The following CDK19 variants were observed in gnomAD, a reference collection of about 807,000 sequenced individuals.
CDK19 encodes the protein cyclin-dependent kinase 19.
CDK19 carries 20 observed loss-of-function variants against 68.3 expected under a neutral mutation model. The ratio of observed to expected loss-of-function variants is 0.29; its 90% CI spans 0.21 to 0.43. CDK19 has a LOEUF of 0.43. Ranked by LOEUF, CDK19 falls within the 20% of genes least tolerant of loss-of-function variation. The pLI is 1.00. For synonymous variants in CDK19, 221 were observed against 222.8 expected (o/e 0.99, Z 0.07); for missense variants, 339 against 623.5 (o/e 0.54, Z 4.86).
chr6:110,719,125 A>C (rs117378756), intron 2 of CDK19, among the ~76,000 whole-genome samples: 4,562 of 152,314 alleles, frequency 0.03, 88 homozygotes, highest in South Asian at 0.084. Flanking sequence ...AATTCAATTA[A>C]TGTTACACAA....
intron 1 of CDK19, among the ~76,000 whole-genome samples, chr6:110,786,646 A>G (rs987656081): frequency 4.6e-5 from 7 of 152,136 alleles, no homozygotes; most frequent in African/African-American, 1.7e-4. Flanking sequence ...TCTACAGGCT[A>G]AATTAGAAAT....
intron 1 of CDK19, among the ~76,000 whole-genome samples, chr6:110,776,326 G>A (rs9487518): frequency 0.013 from 2,042 of 152,188 alleles, 49 homozygotes; most frequent in African/African-American, 0.047. Flanking sequence ...CTGCTCGAGA[G>A]GCTGAGGCAG....
chr6:110,645,847 T>C lies in CDK19; in HGVS notation c.457-7141A>G, dbSNP rs372276268. 4.4e-4 allele frequency: 276 copies of C among 634,020 alleles called. No individual in the cohort carries two copies. The East Asian group carries it at 7.6e-3, about 17-fold the overall frequency. The allele number at this position is 634,020 out of a possible 1,614,324, so 39.3% of individuals were successfully genotyped here. ...GCGCACGACGCGCCGCGCTTCCTCCTGACCTTCGATTTCGAAGAGACTATC... is the reference window on the plus strand; with the variant it reads ...GCGCACGACGCGCCGCGCTTCCTCCCGACCTTCGATTTCGAAGAGACTATC... On this transcript the variant is annotated intron_variant, in intron 4 of 12. Transcript: ENST00000368911.
At chr6:110,716,652 G>A (rs1453072235) in intron 2 of CDK19, among the ~76,000 whole-genome samples, 1 of 152,022 alleles carries the variant, frequency 6.6e-6, no homozygotes, top group Non-Finnish European at 1.5e-5. Flanking sequence ...AATTCCTCAA[G>A]TTAAACATGA....
At chr6:110,620,671 G>A (rs1237694853) in intron 12 of CDK19, among the ~76,000 whole-genome samples, 1 of 152,094 alleles carries the variant, frequency 6.6e-6, no homozygotes, top group Non-Finnish European at 1.5e-5. Context: ...CTCAGTCTTA[G>A]CCCCCTTCTC....
chr6:110,614,638 C>T lies in CDK19; in HGVS notation c.1406G>A (p.Ser469Asn). The T allele has an allele frequency of 1.2e-6, 2 of 1,613,916 alleles. No individual in the cohort carries two copies. The highest frequency in any genetic ancestry group is 8.5e-7 in the Non-Finnish European group (1 of 1,179,906). Residue 469 changes from serine (S) to asparagine (N), a missense_variant, in exon 13 of 13, where the codon AGC becomes AAC. Coordinates refer to ENST00000368911, the MANE Select transcript of CDK19 (RefSeq NM_015076.5). ...QHSSSRLNYQ[S>N]SVQGSSQSQS... ...GGACTGAGAGGATCCCTGAACGCTG[C>T]TTTGGTAATTCAGGCGAGAACTGGA...
intron 2 of CDK19, among the ~76,000 whole-genome samples, chr6:110,715,382 C>A (rs147333784): frequency 7.4e-4 from 113 of 152,252 alleles, no homozygotes; most frequent in African/African-American, 2.6e-3. Context: ...ATTTAAGGCG[C>A]TATATGGGGC....
intron 6 of CDK19, 97 bp downstream of exon 6, chr6:110,631,933 G>T: frequency 8.8e-7 from 1 of 1,134,170 alleles, no homozygotes; most frequent in Non-Finnish European, 1.3e-6. Flanking sequence ...TTACAAAAAT[G>T]TATAAAATGG....
intron 4 of CDK19, among the ~76,000 whole-genome samples, chr6:110,644,737 GCGAAACCCAAGTCCCTC>G (rs1314527731): frequency 6.6e-6 from 1 of 152,040 alleles, no homozygotes; most frequent in Admixed American, 6.6e-5. Context: ...AGCAGAACCA[GCGAAACCCAAGTCCCTC>G]CTTCCTCTGG....
At chr6:110,773,041 C>A (rs1456866197) in intron 1 of CDK19, among the ~76,000 whole-genome samples, 7 of 147,450 alleles carry the variant, frequency 4.7e-5, no homozygotes, top group Admixed American at 4.7e-4. Context: ...CATGGGGAAA[C>A]CCCGTCTCTT....
chr6:110,633,728 T>G (rs1212799419), intron 5 of CDK19, among the ~76,000 whole-genome samples: 4 of 152,180 alleles, frequency 2.6e-5, no homozygotes, highest in African/African-American at 9.7e-5. Flanking sequence ...ACAAATGGCT[T>G]TCATATACAT....
At chr6:110,805,973 CAA>C (rs34834440) in intron 1 of CDK19, among the ~76,000 whole-genome samples, 10 of 95,350 alleles carry the variant, frequency 1.0e-4, no homozygotes, top group Non-Finnish European at 9.1e-5. Flanking sequence ...TAACACTTCT[CAA>C]AAAAAAAAAA....
rs1195590565 is a variant in CDK19 at position 110,620,004 on chromosome 6, AG to A, written c.1377+1099del. Among the ~76,000 whole-genome samples, 10 of 152,344 alleles carry A rather than the reference AG, an allele frequency of 6.6e-5. No individual in the cohort carries two copies. The East Asian group carries it at 1.7e-3, about 26-fold the overall frequency. ...GTTGCTCATATAATGGAGGGGAAACAGATTTTATAACAAAATTCAAATATGC... is the reference window on the plus strand; with the variant it reads ...GTTGCTCATATAATGGAGGGGAAACAATTTTATAACAAAATTCAAATATGC... On this transcript the variant is annotated intron_variant, in intron 12 of 12. Coordinates refer to ENST00000368911, the MANE Select transcript of CDK19 (RefSeq NM_015076.5).
intron 1 of CDK19, among the ~76,000 whole-genome samples, chr6:110,809,388 G>A (rs1004621317): frequency 2.0e-5 from 3 of 151,814 alleles, no homozygotes; most frequent in Non-Finnish European, 4.4e-5. Flanking sequence ...TAGCCAGCAC[G>A]TGCATCTGTG....
intron 1 of CDK19, among the ~76,000 whole-genome samples, chr6:110,785,409 T>C (rs950653428): frequency 2.0e-5 from 3 of 152,220 alleles, no homozygotes; most frequent in Non-Finnish European, 4.4e-5. Context: ...AATAGTCAAT[T>C]AACATATATT....
At chr6:110,705,068 G>A (rs1774333822) in intron 2 of CDK19, among the ~76,000 whole-genome samples, 1 of 148,528 alleles carries the variant, frequency 6.7e-6, no homozygotes, top group South Asian at 2.1e-4. Flanking sequence ...TGGAGATGGA[G>A]TTTCACTCTT....
At chr6:110,630,393 C>A (rs1044369127) in intron 6 of CDK19, among the ~76,000 whole-genome samples, 1 of 152,226 alleles carries the variant, frequency 6.6e-6, no homozygotes, top group Admixed American at 6.5e-5. Flanking sequence ...ACACTCTTCC[C>A]TTCCCTGGCT....
intron 1 of CDK19, among the ~76,000 whole-genome samples, chr6:110,791,851 G>A (rs1487639822): frequency 6.6e-6 from 1 of 151,908 alleles, no homozygotes; most frequent in Admixed American, 6.6e-5. Context: ...TCGCTATGTT[G>A]TCTAGGCTGA....
intron 4 of CDK19, among the ~76,000 whole-genome samples, chr6:110,662,832 C>T (rs969293480): frequency 2.0e-5 from 3 of 152,188 alleles, no homozygotes; most frequent in Admixed American, 1.3e-4. Flanking sequence ...CTCTACTTCA[C>T]TGTCTCTCAG....
Sources: allele counts gnomAD v4.1 joint callset (sites outside exome capture counted in the v4.1 genomes callset), GRCh38; gene constraint gnomAD v4.1.1; transcripts MANE v1.5; gene names NCBI Gene and HGNC (gene_info 2026-07-23, HGNC 2026-07-21).